Variants in L3MBTL4 observed in about 807,000 individuals in gnomAD.
The protein encoded by L3MBTL4 is lethal(3)malignant brain tumor-like protein 4.
A neutral mutation model predicts 84.5 loss-of-function variants in L3MBTL4; 70 were observed. The observed-to-expected ratio is 0.83, with a 90% CI of 0.68 to 1.01. The LOEUF (loss-of-function observed/expected upper bound fraction) is 1.01. Ranked by LOEUF, L3MBTL4 falls within the 50% of genes least tolerant of loss-of-function variation. The probability of loss-of-function intolerance (pLI) is 0.00; values close to 1 mark genes in which losing one functional copy is unlikely to be tolerated. For synonymous variants in L3MBTL4, 274 were observed against 259.8 expected, an observed-to-expected ratio of 1.05 and a Z score of -0.52; for missense variants, 715 against 754.8, an observed-to-expected ratio of 0.95 and a Z score of 0.62.
intron 15 of L3MBTL4, among the ~76,000 whole-genome samples, chr18:6,085,481 T>A (rs1230598108): frequency 6.6e-6 from 1 of 152,232 alleles, no homozygotes; most frequent in African/African-American, 2.4e-5. Flanking sequence ...TGAATTGTAA[T>A]CCTTATAATC....
intron 17 of L3MBTL4, among the ~76,000 whole-genome samples, chr18:5,961,229 C>T (rs1023688981): frequency 6.6e-6 from 1 of 152,224 alleles, no homozygotes; most frequent in African/African-American, 2.4e-5. Context: ...ACGTCCCACC[C>T]TCAGAGAGCT....
chr18:6,128,033 T>G (rs1010144579), intron 14 of L3MBTL4, among the ~76,000 whole-genome samples: 183 of 91,880 alleles, frequency 2.0e-3, no homozygotes, highest in Non-Finnish European at 3.0e-3. Context: ...AAATATTGGG[T>G]GGGGCGGGGG....
chr18:6,090,513 CAAAGTT>C (rs2143576041), intron 15 of L3MBTL4, among the ~76,000 whole-genome samples: 1 of 150,788 alleles, frequency 6.6e-6, no homozygotes, highest in African/African-American at 2.4e-5. Context: ...GGAAGCTTAT[CAAAGTT>C]AATTTTATAT....
At chr18:6,174,071 A>G (rs1287164293) in intron 12 of L3MBTL4, among the ~76,000 whole-genome samples, 3 of 152,084 alleles carry the variant, frequency 2.0e-5, no homozygotes, top group Non-Finnish European at 4.4e-5. Context: ...AACCCTAAAA[A>G]AGGGGTAAAA....
intron 12 of L3MBTL4, among the ~76,000 whole-genome samples, chr18:6,178,000 C>T (rs1454973239): frequency 6.6e-6 from 1 of 152,084 alleles, no homozygotes; most frequent in Non-Finnish European, 1.5e-5. Flanking sequence ...GACAAATACC[C>T]CAGCAAGGTC....
intron 5 of L3MBTL4, among the ~76,000 whole-genome samples, chr18:6,246,739 A>T (rs1193376942): frequency 6.6e-6 from 1 of 152,142 alleles, no homozygotes; most frequent in East Asian, 1.9e-4. Flanking sequence ...CCCCATCTCT[A>T]CTAAAAATAC....
chr18:6,156,923 C>T (rs976071127), intron 13 of L3MBTL4, among the ~76,000 whole-genome samples: 31 of 152,212 alleles, frequency 2.0e-4, no homozygotes, highest in Non-Finnish European at 3.5e-4. Flanking sequence ...TTGTTCTGAG[C>T]TAGCCACTAG....
At chr18:6,303,613 T>C (rs547070053) in intron 3 of L3MBTL4, among the ~76,000 whole-genome samples, 1 of 152,334 alleles carries the variant, frequency 6.6e-6, no homozygotes, top group African/African-American at 2.4e-5. Context: ...ATGGCTAGTG[T>C]GGCTGTCAGT....
Position 6,087,870 on chromosome 18 carries a change from C to T in L3MBTL4, c.1373+5485G>A, listed in dbSNP as rs147355559. ...CAATATCAATGTCTATATCTACCTACATCTATATTCCTATACTCTAAATCT... is the reference window on the plus strand; with the variant it reads ...CAATATCAATGTCTATATCTACCTATATCTATATTCCTATACTCTAAATCT... On this transcript the variant is annotated intron_variant, in intron 15 of 18. Coordinates refer to ENST00000317931, the MANE Select transcript of L3MBTL4 (RefSeq NM_001330559.2). Among the ~76,000 whole-genome samples the T allele has an allele frequency of 3.2e-3, 489 of 152,284 alleles. 4 individuals carry two copies. The highest frequency in any genetic ancestry group is 0.011 in the African/African-American group (473 of 41,548).
At chr18:6,078,024 T>C (rs1039043610) in intron 16 of L3MBTL4, among the ~76,000 whole-genome samples, 1 of 146,678 alleles carries the variant, frequency 6.8e-6, no homozygotes, top group Non-Finnish European at 1.5e-5. Context: ...CAAGACTTCG[T>C]CTCAATAAAT....
At chr18:6,194,507 C>T (rs919854984) in intron 12 of L3MBTL4, among the ~76,000 whole-genome samples, 11 of 152,140 alleles carry the variant, frequency 7.2e-5, no homozygotes, top group Admixed American at 2.0e-4. Context: ...AAGAAAGCAC[C>T]GTGGGAAGTG....
chr18:6,047,985 C>A (rs576076364), intron 16 of L3MBTL4, among the ~76,000 whole-genome samples: 1 of 152,108 alleles, frequency 6.6e-6, no homozygotes, highest in Non-Finnish European at 1.5e-5. Flanking sequence ...GCTGACAGTA[C>A]GATTCTACAC....
At chr18:6,107,835 G>C (rs2059061111) in intron 14 of L3MBTL4, among the ~76,000 whole-genome samples, 2 of 152,188 alleles carry the variant, frequency 1.3e-5, no homozygotes, top group Non-Finnish European at 2.9e-5. Context: ...CCTGCTCACA[G>C]ATTGGCCACT....
chr18:6,150,666 C>G (rs1472278544), intron 13 of L3MBTL4, among the ~76,000 whole-genome samples: 1 of 152,148 alleles, frequency 6.6e-6, no homozygotes, highest in Non-Finnish European at 1.5e-5. Context: ...CCCTCCAACT[C>G]CCCTGTACTA....
chr18:6,094,249 C>T (rs770445553), intron 14 of L3MBTL4, among the ~76,000 whole-genome samples: 7 of 152,210 alleles, frequency 4.6e-5, no homozygotes, highest in East Asian at 1.9e-4. Flanking sequence ...CCTGTGCCCA[C>T]GTCCCTGTCT....
intron 14 of L3MBTL4, among the ~76,000 whole-genome samples, chr18:6,109,405 T>G (rs1467489122): frequency 6.6e-6 from 1 of 152,158 alleles, no homozygotes; most frequent in Non-Finnish European, 1.5e-5. Flanking sequence ...TTCTCGTTTC[T>G]AGGATAATCA....
intron 12 of L3MBTL4, among the ~76,000 whole-genome samples, chr18:6,188,121 T>C (rs917311481): frequency 6.6e-6 from 1 of 152,088 alleles, no homozygotes; most frequent in Non-Finnish European, 1.5e-5. Flanking sequence ...CTCACTTTTC[T>C]ACCTTGGAAT....
chr18:6,196,221 G>A (rs1344431213), intron 12 of L3MBTL4, among the ~76,000 whole-genome samples: 1 of 144,868 alleles, frequency 6.9e-6, no homozygotes, highest in Non-Finnish European at 1.5e-5. Context: ...GCAGTGGCAT[G>A]ATCTCAGCTC....
chr18:5,996,268 G>T (rs1022347787), intron 16 of L3MBTL4, among the ~76,000 whole-genome samples: 5 of 152,174 alleles, frequency 3.3e-5, no homozygotes, highest in Non-Finnish European at 2.9e-5. Flanking sequence ...CGAAATAGAT[G>T]ATTCTGATGA....
Sources: gnomAD v4.1 joint callset for allele counts (sites outside exome capture counted in the v4.1 genomes callset) on GRCh38, gnomAD v4.1.1 for gene constraint, MANE v1.5 for transcripts, NCBI Gene and HGNC (gene_info 2026-07-23, HGNC 2026-07-21) for gene names.